CTPS2: variants seen among roughly 807,000 people sequenced by gnomAD.
The protein encoded by CTPS2 is CTP synthase 2, also known as CTP synthase II.
A neutral mutation model predicts 46.8 loss-of-function variants in CTPS2; 19 were observed. That is an observed-to-expected ratio of 0.41 (90% CI 0.28 to 0.60). The LOEUF (loss-of-function observed/expected upper bound fraction) is 0.60, where lower values mean the gene tolerates loss of function less well. Among genes scored for constraint, CTPS2 ranks in the 20% least tolerant of loss-of-function variants. The pLI is 0.35. For missense variants in CTPS2, 286 were observed against 447.6 expected, an observed-to-expected ratio of 0.64 and a Z score of 3.26; for synonymous variants, 151 against 165.2, an observed-to-expected ratio of 0.91 and a Z score of 0.66.
chrX:16,656,207 C>A (rs1034405039), intron 13 of CTPS2, among the ~76,000 whole-genome samples: 5 of 111,591 alleles, frequency 4.5e-5, no homozygotes, highest in African/African-American at 1.6e-4. Context: ...TGTTTATGTG[C>A]TGTGCACATA....
At chrX:16,674,591 C>A (rs901248135) in intron 10 of CTPS2, among the ~76,000 whole-genome samples, 7 of 110,179 alleles carry the variant, frequency 6.4e-5, no homozygotes, top group Admixed American at 1.9e-4. Context: ...GTAATCCCAG[C>A]ACTTTGGGAG....
At position 16,617,205 on chromosome X, in the gene CTPS2, T is replaced by G. The variant is rs1252610087; in HGVS notation, c.1491A>C (p.Leu497Phe). 2.5e-6 allele frequency: 3 copies of G among 1,208,482 alleles called. No individual in the cohort carries two copies. The African/African-American group carries it at 5.3e-5, about 21-fold the overall frequency. The change falls in exon 16 of 19, where the codon TTA becomes TTC. Residue 497 changes from leucine to phenylalanine, a missense_variant. Leu to Phe is a conservative substitution (Grantham distance 22). Coordinates refer to ENST00000359276, the MANE Select transcript of CTPS2 (RefSeq NM_175859.3). ...NLIKQFEQND[L>F]SFVGQDVDGD... ...CATCAACATCCTGACCTACAAAACT[T>G]AAGTCATTCTGCTCAAATTGTTTGA... is the stretch of plus-strand genomic sequence containing the variant.
At chrX:16,612,383 A>G (rs1930307528) in intron 16 of CTPS2, among the ~76,000 whole-genome samples, 1 of 112,206 alleles carries the variant, frequency 8.9e-6, no homozygotes, top group Admixed American at 9.5e-5. Flanking sequence ...AAGGTTTTAT[A>G]GCAGCTCTCA....
chrX:16,659,185 G>A (rs180735949), intron 13 of CTPS2, among the ~76,000 whole-genome samples: 2 of 111,257 alleles, frequency 1.8e-5, no homozygotes, highest in African/African-American at 3.3e-5. Flanking sequence ...TTAGCCCCTC[G>A]CAGAGTTAAT....
At chrX:16,637,827 T>G (rs986375793) in intron 14 of CTPS2, among the ~76,000 whole-genome samples, 1 of 112,426 alleles carries the variant, frequency 8.9e-6, no homozygotes, top group Non-Finnish European at 1.9e-5. Context: ...GAAACTGTAT[T>G]CACTTTGAAG....
intron 8 of CTPS2, among the ~76,000 whole-genome samples, chrX:16,685,554 C>T (rs1923108930): frequency 9.1e-6 from 1 of 109,999 alleles, no homozygotes; most frequent in African/African-American, 3.3e-5. Context: ...CCCCAAGAGT[C>T]GGGTCTCAAG....
At chrX:16,686,580 C>A (rs989837349) in intron 8 of CTPS2, among the ~76,000 whole-genome samples, 2 of 112,244 alleles carry the variant, frequency 1.8e-5, no homozygotes, top group Non-Finnish European at 3.8e-5. Context: ...GAAGAAGACA[C>A]AAGTGAGAAG....
chrX:16,617,084 A>G (rs1473346559), intron 16 of CTPS2, 66 bp downstream of exon 16: 1 of 808,653 alleles, frequency 1.2e-6, no homozygotes, highest in African/African-American at 2.1e-5. Flanking sequence ...CTGGGTCTCA[A>G]ATTAGTCTGT....
At chrX:16,612,270 G>T (rs1007037360) in intron 16 of CTPS2, among the ~76,000 whole-genome samples, 1 of 111,946 alleles carries the variant, frequency 8.9e-6, no homozygotes, top group Admixed American at 9.5e-5. Context: ...AACCCTTCAG[G>T]AACAGTGGAG....
rs373037341 is a variant in CTPS2, at chrX:16,633,667, T to C, written c.1393+5480A>G. On this transcript the variant is annotated intron_variant, in intron 14 of 18. Coordinates refer to ENST00000359276, the MANE Select transcript of CTPS2 (RefSeq NM_175859.3). The stretch of plus-strand genomic sequence containing the variant: ...AAAGACTTCAGACCTGGGCACTATA[T>C]ACACAAGTAAATCAACATTCGAAGT... Among the ~76,000 whole-genome samples the C allele has an allele frequency of 1.4e-4, 16 of 112,266 alleles. No homozygotes were observed. The East Asian group carries it at 3.9e-3, about 27-fold the overall frequency.
At chrX:16,649,010 A>G (rs2018707103) in intron 13 of CTPS2, among the ~76,000 whole-genome samples, 1 of 112,100 alleles carries the variant, frequency 8.9e-6, no homozygotes, top group African/African-American at 3.2e-5. Flanking sequence ...TCCACCTGGA[A>G]CCCCTTCCTG....
intron 13 of CTPS2, among the ~76,000 whole-genome samples, chrX:16,664,573 G>A (rs1228668617): frequency 8.9e-6 from 1 of 111,783 alleles, no homozygotes; most frequent in African/African-American, 3.3e-5. Context: ...GAAGGGAAGT[G>A]GATGACAAAG....
chrX:16,652,035 T>C, intron 13 of CTPS2, among the ~76,000 whole-genome samples: 1 of 110,068 alleles, frequency 9.1e-6, no homozygotes. Context: ...GGCCAGTGGA[T>C]GGAAAATTAC....
intron 17 of CTPS2, among the ~76,000 whole-genome samples, chrX:16,595,037 G>A (rs959704972): frequency 4.5e-5 from 5 of 112,262 alleles, no homozygotes; most frequent in South Asian, 3.6e-4. Flanking sequence ...ACTCTATGCC[G>A]GGTTCATTTC....
rs572560825 is a variant in CTPS2, at chrX:16,689,532, T to C, written c.790A>G (p.Lys264Glu). 291 of 1,208,631 alleles carry C rather than the reference T, an allele frequency of 2.4e-4. 3 individuals carry two copies. In the South Asian group the frequency reaches 4.9e-3, roughly 20 times the overall value. ...PVLLEEQSIV[K>E]YFKERLHLPI... ...AGGTGCAATCTCTCCTTAAAATATT[T>C]CACAATGCTTTGTTCCTCTAAAAGC... Residue 264 changes from lysine to glutamate, a missense_variant, in exon 8 of 19, where the codon AAA (lysine) becomes GAA (glutamate). Lys to Glu is a moderately conservative substitution (Grantham distance 56, BLOSUM62 1). Transcript: ENST00000359276.
intron 8 of CTPS2, among the ~76,000 whole-genome samples, chrX:16,687,715 T>A (rs1923350184): frequency 1.8e-5 from 2 of 110,600 alleles, no homozygotes; most frequent in Admixed American, 9.8e-5. Context: ...TGATTCCACT[T>A]GCCCCAGAAA....
intron 14 of CTPS2, among the ~76,000 whole-genome samples, chrX:16,636,873 C>T (rs1220522383): frequency 1.8e-5 from 2 of 108,696 alleles, no homozygotes; most frequent in African/African-American, 3.4e-5. Context: ...GCCGAGATTT[C>T]GCCACTGCAC....
At chrX:16,682,979 T>A in intron 9 of CTPS2, 115 bp downstream of exon 9, 1 of 780,524 alleles carries the variant, frequency 1.3e-6, no homozygotes, top group Non-Finnish European at 1.9e-6. Flanking sequence ...GTTCTTCTGG[T>A]GAATCGTAAG....
At chrX:16,631,608 T>C (rs924655600) in intron 14 of CTPS2, among the ~76,000 whole-genome samples, 14 of 112,366 alleles carry the variant, frequency 1.2e-4, no homozygotes, top group Non-Finnish European at 2.3e-4. Flanking sequence ...ACATGTGAAC[T>C]GAAATGGTCT....
Sources: allele counts gnomAD v4.1 joint callset (sites outside exome capture counted in the v4.1 genomes callset), GRCh38; gene constraint gnomAD v4.1.1; transcripts MANE v1.5; gene names NCBI Gene and HGNC (gene_info 2026-07-23, HGNC 2026-07-21).